Variants in SLIT2 observed in about 807,000 individuals in gnomAD.
SLIT2 encodes the protein slit guidance ligand 2.
Under a neutral mutation model 185.7 loss-of-function variants are expected in SLIT2, and 41 were observed. The observed-to-expected ratio is 0.22, with a 90% CI of 0.17 to 0.29. The LOEUF (loss-of-function observed/expected upper bound fraction) is 0.29. Among genes scored for constraint, SLIT2 ranks in the 10% least tolerant of loss-of-function variants. The pLI is 1.00. For missense variants in SLIT2, 1,571 were observed against 1,909.0 expected (o/e 0.82, Z 3.30); for synonymous variants, 693 against 680.2 (o/e 1.02, Z -0.29).
At chr4:20,399,126 T>TA (rs1216437811) in intron 4 of SLIT2, among the ~76,000 whole-genome samples, 4 of 151,604 alleles carry the variant, frequency 2.6e-5, no homozygotes, top group Admixed American at 6.6e-5. Context: ...TTAAATATGG[T>TA]AAAAAAATTA....
intron 16 of SLIT2, 128 bp downstream of exon 16, chr4:20,529,227 G>A: frequency 1.6e-6 from 1 of 629,054 alleles, no homozygotes; most frequent in Non-Finnish European, 2.6e-6. Flanking sequence ...GCATTACATT[G>A]GCATAACTCT....
chr4:20,564,921 G>C (rs1384233402), intron 26 of SLIT2, among the ~76,000 whole-genome samples: 1 of 151,842 alleles, frequency 6.6e-6, no homozygotes, highest in African/African-American at 2.4e-5. Context: ...AAAGAAATTA[G>C]ATAGTGATTA....
At chr4:20,457,209 T>C (rs1713170999) in intron 4 of SLIT2, among the ~76,000 whole-genome samples, 1 of 152,054 alleles carries the variant, frequency 6.6e-6, no homozygotes, top group East Asian at 1.9e-4. Flanking sequence ...TGATGAATTT[T>C]GCACTGTTCC....
intron 16 of SLIT2, among the ~76,000 whole-genome samples, chr4:20,530,766 A>T (rs12504587): frequency 0.11 from 16,988 of 152,132 alleles, 1,204 homozygotes; most frequent in East Asian, 0.33. Context: ...TTCAGAATAT[A>T]TACAGAACTC....
At chr4:20,595,590 T>C (rs1577993222) in intron 30 of SLIT2, 107 bp from the exon 31 acceptor site, 1 of 1,409,750 alleles carries the variant, frequency 7.1e-7, no homozygotes, top group East Asian at 2.3e-5. Flanking sequence ...TATGAGCCTA[T>C]TCTAAATAAG....
intron 29 of SLIT2, among the ~76,000 whole-genome samples, chr4:20,581,391 A>G (rs1403336960): frequency 2.6e-5 from 4 of 152,178 alleles, no homozygotes; most frequent in African/African-American, 9.6e-5. Flanking sequence ...TAGAGGACTC[A>G]CACATATTTT....
intron 9 of SLIT2, among the ~76,000 whole-genome samples, chr4:20,508,116 A>G (rs920837777): frequency 2.0e-5 from 3 of 152,076 alleles, no homozygotes; most frequent in Non-Finnish European, 4.4e-5. Context: ...TAAATAATAC[A>G]GAAGACAAAT....
chr4:20,355,828 A>C (rs555869563), intron 4 of SLIT2, among the ~76,000 whole-genome samples: 2 of 152,272 alleles, frequency 1.3e-5, no homozygotes, highest in East Asian at 3.9e-4. Flanking sequence ...ATTGTTATCA[A>C]GCTCAAAATT....
intron 4 of SLIT2, among the ~76,000 whole-genome samples, chr4:20,427,187 C>A (rs1211797973): frequency 6.6e-6 from 1 of 152,154 alleles, no homozygotes; most frequent in Non-Finnish European, 1.5e-5. Flanking sequence ...TGGTTGTGAT[C>A]CGGCCTGAAC....
At chr4:20,612,348 A>G (rs916417466) in intron 34 of SLIT2, among the ~76,000 whole-genome samples, 8 of 152,090 alleles carry the variant, frequency 5.3e-5, no homozygotes, top group Middle Eastern at 6.8e-3. Flanking sequence ...TTAAATTTCA[A>G]AATGAAAAGT....
intron 4 of SLIT2, among the ~76,000 whole-genome samples, chr4:20,320,765 A>G (rs1011090896): frequency 9.2e-5 from 14 of 152,286 alleles, no homozygotes; most frequent in East Asian, 7.7e-4. Context: ...ACAGATCTGC[A>G]TAGCCCACTC....
chr4:20,288,656 G>C (rs1236335207), intron 4 of SLIT2, among the ~76,000 whole-genome samples: 1 of 152,172 alleles, frequency 6.6e-6, no homozygotes, highest in African/African-American at 2.4e-5. Flanking sequence ...TGGATTACCT[G>C]CAAATAAATG....
At chr4:20,505,365 C>A (rs183534457) in intron 9 of SLIT2, among the ~76,000 whole-genome samples, 1 of 151,934 alleles carries the variant, frequency 6.6e-6, no homozygotes, top group East Asian at 1.9e-4. Context: ...TTGAAAAATT[C>A]TATGTATGTC....
rs1325144900 is a variant in SLIT2, at chr4:20,472,333, T to G, written c.467+4510T>G. Among the ~76,000 whole-genome samples the G allele has an allele frequency of 5.4e-3, 273 of 50,844 alleles. 8 individuals carry two copies. Among genetic ancestry groups the G allele is most frequent in the Middle Eastern group, 0.027 (2 of 74 alleles). The allele number at this position is 50,844 out of a possible 152,430, so 33.4% of individuals were successfully genotyped here. ...ATATATAGATATATATATCTATATA[T>G]AGATCTATATATAGATATAGATATC... On this transcript the variant is annotated intron_variant, in intron 5 of 36. Coordinates refer to ENST00000504154, the MANE Select transcript of SLIT2 (RefSeq NM_004787.4).
At chr4:20,417,436 G>GTA (rs367855245) in intron 4 of SLIT2, among the ~76,000 whole-genome samples, 12,131 of 123,546 alleles carry the variant, frequency 0.098, 928 homozygotes, top group Admixed American at 0.2. Context: ...ATGTGTGTGT[G>GTA]TATATATATA....
intron 9 of SLIT2, among the ~76,000 whole-genome samples, chr4:20,508,596 A>G (rs1331894399): frequency 1.3e-5 from 2 of 152,108 alleles, no homozygotes; most frequent in African/African-American, 4.8e-5. Flanking sequence ...AATATGCTCA[A>G]AATTCTATAT....
At chr4:20,430,478 G>A (rs1728889446) in intron 4 of SLIT2, among the ~76,000 whole-genome samples, 1 of 152,150 alleles carries the variant, frequency 6.6e-6, no homozygotes, top group African/African-American at 2.4e-5. Context: ...TGTTTTTCCT[G>A]GATAGCTGGT....
At chr4:20,331,743 T>C (rs1282925182) in intron 4 of SLIT2, among the ~76,000 whole-genome samples, 1 of 152,154 alleles carries the variant, frequency 6.6e-6, no homozygotes, top group Non-Finnish European at 1.5e-5. Flanking sequence ...TTTGAATATT[T>C]GCATTATCTA....
At chr4:20,345,773 A>G (rs1721354753) in intron 4 of SLIT2, among the ~76,000 whole-genome samples, 1 of 151,576 alleles carries the variant, frequency 6.6e-6, no homozygotes, top group South Asian at 2.1e-4. Flanking sequence ...TGACCTCATG[A>G]TCCACCCACC....
Sources: allele counts gnomAD v4.1 joint callset (sites outside exome capture counted in the v4.1 genomes callset), GRCh38; gene constraint gnomAD v4.1.1; transcripts MANE v1.5; gene names NCBI Gene and HGNC (gene_info 2026-07-23, HGNC 2026-07-21).